The following NTN1 variants were observed in gnomAD, a reference collection of about 807,000 sequenced individuals.
NTN1 encodes the protein netrin 1.
A neutral mutation model predicts 54.2 loss-of-function variants in NTN1; 11 were observed. That is an observed-to-expected ratio of 0.20 (90% confidence interval 0.13 to 0.34). NTN1 has a LOEUF of 0.34. Ranked by LOEUF, NTN1 falls within the 10% of genes least tolerant of loss-of-function variation. The pLI is 1.00. For missense variants in NTN1, 740 were observed against 893.1 expected (o/e 0.83, Z 2.18); for synonymous variants, 371 against 382.0 (o/e 0.97, Z 0.33).
At chr17:9,075,525 AAAACTT>A (rs1458684448) in intron 2 of NTN1, among the ~76,000 whole-genome samples, 2 of 152,164 alleles carry the variant, frequency 1.3e-5, no homozygotes, top group African/African-American at 4.8e-5. Flanking sequence ...ATAAATAAAA[AAAACTT>A]AAATAAAACG....
chr17:9,021,911 G>C (rs1283959929), intron 1 of NTN1, among the ~76,000 whole-genome samples: 1 of 152,260 alleles, frequency 6.6e-6, no homozygotes, highest in Non-Finnish European at 1.5e-5. Flanking sequence ...GGACGCGATC[G>C]GGGGGCATCT....
intron 2 of NTN1, among the ~76,000 whole-genome samples, chr17:9,139,404 T>A (rs1172507280): frequency 6.6e-6 from 1 of 152,152 alleles, no homozygotes; most frequent in Non-Finnish European, 1.5e-5. Context: ...TGGCTCCTTC[T>A]GAGGCAATGC....
In NTN1 at chr17:9,221,653, TC is replaced by T. The variant is rs1378623469; in HGVS notation, c.1486+415del. ...TGGGCATCAGACAAGGGCTGGGAGC[TC>T]CCCGGTGCATTTCCAGTGTTCCGCC... On this transcript the variant is annotated intron_variant, in intron 6 of 6. Transcript: ENST00000173229. This position sits in a 1 kb window ranked among gnomAD's most constrained non-coding sequence, Gnocchi z 4.5. 6.6e-6 allele frequency among the ~76,000 whole-genome samples: 1 copy of T among 152,136 alleles called. No homozygotes were observed. The highest frequency in any genetic ancestry group is 2.4e-5 in the African/African-American group (1 of 41,420).
At chr17:9,180,150 T>C (rs2092414433) in intron 4 of NTN1, among the ~76,000 whole-genome samples, 194 bp downstream of exon 4, 1 of 152,262 alleles carries the variant, frequency 6.6e-6, no homozygotes. Context: ...GTGATTCTCC[T>C]GCCTCAGTCT....
At chr17:9,114,166 A>AAAAAAAAAAATATATATAT (rs1555569108) in intron 2 of NTN1, among the ~76,000 whole-genome samples, 1 of 74,658 alleles carries the variant, frequency 1.3e-5, no homozygotes, top group African/African-American at 5.8e-5. Context: ...AAAAAAAAAA[A>AAAAAAAAAAATATATATAT]ATATATATAT....
chr17:9,106,657 G>A (rs1030693794), intron 2 of NTN1, among the ~76,000 whole-genome samples: 2 of 152,064 alleles, frequency 1.3e-5, no homozygotes, highest in South Asian at 2.1e-4. Context: ...GGGAGTACAG[G>A]TGCCCACCAC....
At chr17:9,090,177 CTTTTTCTTTTTTT>C (rs2092105186) in intron 2 of NTN1, among the ~76,000 whole-genome samples, 1 of 147,208 alleles carries the variant, frequency 6.8e-6, no homozygotes, top group South Asian at 2.2e-4. Context: ...TTTTTTTTTT[CTTTTTCTTTTTTT>C]TTTTGAGATG....
chr17:9,098,416 G>A (rs773681609), intron 2 of NTN1, among the ~76,000 whole-genome samples: 7 of 152,226 alleles, frequency 4.6e-5, no homozygotes, highest in Non-Finnish European at 8.8e-5. Context: ...GCTAAGAGGG[G>A]ACAGGTGAAT....
At chr17:9,201,754 A>T (rs1479391158) in intron 5 of NTN1, among the ~76,000 whole-genome samples, 1 of 152,166 alleles carries the variant, frequency 6.6e-6, no homozygotes, top group Non-Finnish European at 1.5e-5. Flanking sequence ...CTCTCACGCC[A>T]GTTCCCATTG....
chr17:9,106,415 T>G (rs1447736689), intron 2 of NTN1, among the ~76,000 whole-genome samples: 1 of 152,208 alleles, frequency 6.6e-6, no homozygotes, highest in East Asian at 1.9e-4. Context: ...TAGTTTTGGT[T>G]CTGACCACTG....
the NTN1 span, among the ~76,000 whole-genome samples, chr17:9,011,285 AC>A: frequency 6.6e-6 from 1 of 150,942 alleles, no homozygotes; most frequent in Non-Finnish European, 1.5e-5. Flanking sequence ...GGGGTTAGGG[AC>A]CCCCGCTGTA....
At chr17:9,187,569 C>T (rs1223306434) in intron 5 of NTN1, among the ~76,000 whole-genome samples, 1 of 139,740 alleles carries the variant, frequency 7.2e-6, no homozygotes, top group African/African-American at 2.7e-5. Flanking sequence ...CCAACCACCT[C>T]GGGAGGCTGA....
chr17:9,130,588 G>A (rs976032442), intron 2 of NTN1, among the ~76,000 whole-genome samples: 2 of 152,138 alleles, frequency 1.3e-5, no homozygotes, highest in African/African-American at 4.8e-5. Flanking sequence ...AGCCAGATAT[G>A]TCTGTTCTTC....
At chr17:9,009,781 T>C in the NTN1 span, among the ~76,000 whole-genome samples, 1 of 152,180 alleles carries the variant, frequency 6.6e-6, no homozygotes, top group Non-Finnish European at 1.5e-5. Flanking sequence ...AATCATGACT[T>C]TTTTCCCCCG....
intron 5 of NTN1, among the ~76,000 whole-genome samples, chr17:9,185,400 G>C (rs1391216263): frequency 6.6e-6 from 1 of 152,214 alleles, no homozygotes; most frequent in Non-Finnish European, 1.5e-5. Flanking sequence ...AGAAAAGCTT[G>C]TTTACTTTTG....
Position 9,087,790 on chromosome 17 carries a change from C to T in NTN1, c.1018+64399C>T, listed in dbSNP as rs533151090. Among the ~76,000 whole-genome samples the T allele has an allele frequency of 1.5e-3, 233 of 151,384 alleles. 1 individual carries two copies. The highest frequency in any genetic ancestry group is 5.1e-3 in the African/African-American group (206 of 40,640). On this transcript the variant is annotated intron_variant, in intron 2 of 6. Coordinates refer to ENST00000173229, the MANE Select transcript of NTN1 (RefSeq NM_004822.3). ...CGATTTGCCCAGTAGCTTTCACGAA[C>T]GGCTTTCACATAAAGCCAGACTTGT...
intron 2 of NTN1, among the ~76,000 whole-genome samples, chr17:9,096,894 G>A (rs2142238465): frequency 6.6e-6 from 1 of 152,284 alleles, no homozygotes; most frequent in Admixed American, 6.5e-5. Flanking sequence ...TTATTTTGAT[G>A]TTTCAGAGTC....
At chr17:9,143,272 G>A (rs1233383791) in intron 2 of NTN1, among the ~76,000 whole-genome samples, 2 of 152,202 alleles carry the variant, frequency 1.3e-5, no homozygotes, top group East Asian at 1.9e-4. Flanking sequence ...GGGGAGGAGT[G>A]GAGAGAAAGC....
intron 3 of NTN1, among the ~76,000 whole-genome samples, chr17:9,170,833 C>G (rs745542840): frequency 1.3e-5 from 2 of 151,978 alleles, no homozygotes; most frequent in Non-Finnish European, 2.9e-5. Flanking sequence ...CTGTGTCGTA[C>G]AGCCCTATTC....
Sources: allele counts gnomAD v4.1 joint callset (sites outside exome capture counted in the v4.1 genomes callset), GRCh38; gene constraint gnomAD v4.1.1; non-coding constraint Gnocchi (gnomAD v3.1); transcripts MANE v1.5; gene names NCBI Gene and HGNC (gene_info 2026-07-23, HGNC 2026-07-21).